TP73: variants seen among roughly 807,000 people sequenced by gnomAD.
The protein encoded by TP73 is tumor protein p73, also known as p53-like transcription factor.
A neutral mutation model predicts 62.5 loss-of-function variants in TP73; 25 were observed. The observed-to-expected ratio is 0.40, with a 90% CI of 0.29 to 0.56. TP73 has a LOEUF of 0.56. TP73 is among the 20% of genes least tolerant of loss of function. The pLI, the probability that TP73 is intolerant of heterozygous loss-of-function variation, is 0.46. For missense variants in TP73, 754 were observed against 913.3 expected (o/e 0.83, Z 2.25); for synonymous variants, 423 against 377.5 (o/e 1.12, Z -1.40).
At chr1:3,654,956 G>A (rs929770845) in intron 1 of TP73, among the ~76,000 whole-genome samples, 1 of 152,210 alleles carries the variant, frequency 6.6e-6, no homozygotes, top group South Asian at 2.1e-4. Context: ...GAGAGGAGCC[G>A]CACACCCACT....
In TP73 at chr1:3,696,660, G is replaced by A. The variant is rs1163678752; in HGVS notation, c.187-10889G>A. ...ACCCAGAGGCTGCTGAGTTCCCACG[G>A]TTTGGAGAGGGCAGGGCCCAACTGG... On this transcript the variant is annotated intron_variant, in intron 3 of 13. Transcript: ENST00000378295. The surrounding 1 kb of genome is among the most constrained non-coding windows in gnomAD (Gnocchi z 4.1). 2.0e-5 allele frequency among the ~76,000 whole-genome samples: 3 copies of A among 152,100 alleles called. No homozygotes were observed. The highest frequency in any genetic ancestry group is 4.4e-5 in the Non-Finnish European group (3 of 68,016).
intron 4 of TP73, among the ~76,000 whole-genome samples, chr1:3,721,775 C>T (rs1641091143): frequency 6.6e-6 from 1 of 152,180 alleles, no homozygotes; most frequent in South Asian, 2.1e-4. Context: ...CACTCACACC[C>T]CTGCTGTCAT....
intron 3 of TP73, among the ~76,000 whole-genome samples, chr1:3,698,913 G>A (rs1055997970): frequency 5.3e-5 from 8 of 152,222 alleles, no homozygotes; most frequent in African/African-American, 1.9e-4. Context: ...GGGCCTCGCA[G>A]TCCTGCAGAC....
Position 3,732,928 on chromosome 1 carries a change from A to G in TP73, c.1760A>G (p.His587Arg). ...LQRQRVMEAV[H>R]FRVRHTITIP... ...CGCCAGCGGGTCATGGAGGCCGTGC[A>G]CTTCCGCGTGCGCCACACCATCACC... Residue 587 changes from histidine (H) to arginine (R), a missense_variant, in exon 14 of 14, where the codon CAC becomes CGC. By Grantham distance (29) the His-to-Arg change is conservative. Transcript: ENST00000378295. 6.2e-7 allele frequency: 1 copy of G among 1,610,310 alleles called. No homozygotes were observed. The highest frequency in any genetic ancestry group is 8.5e-7 in the Non-Finnish European group (1 of 1,179,432).
chr1:3,727,510 C>CT, intron 7 of TP73, 118 bp from the exon 8 acceptor site: 4 of 1,412,798 alleles, frequency 2.8e-6, no homozygotes, highest in Non-Finnish European at 3.8e-6. Flanking sequence ...ACTGGGTGCT[C>CT]TGTGGTGACC....
Position 3,719,226 on chromosome 1 carries a change from A to G in TP73, c.430-2795A>G, listed in dbSNP as rs1640865991. ...TGTTGAGTACCACCTGTGTACCTCC[A>G]TCTGCTACACGTTACTGAGGAGAGA... On this transcript the variant is annotated intron_variant, in intron 4 of 13. Coordinates refer to ENST00000378295, the MANE Select transcript of TP73 (RefSeq NM_005427.4). Among the ~76,000 whole-genome samples, 2 of 152,158 alleles carry G rather than the reference A, an allele frequency of 1.3e-5. 1 individual carries two copies. The highest frequency in any genetic ancestry group is 2.9e-5 in the Non-Finnish European group (2 of 68,010).
At chr1:3,674,922 C>T (rs940926937) in intron 1 of TP73, among the ~76,000 whole-genome samples, 2 of 152,194 alleles carry the variant, frequency 1.3e-5, no homozygotes, top group African/African-American at 4.8e-5. Flanking sequence ...CAGGCGGGGG[C>T]TCTTCTGGGT....
chr1:3,731,051 C>A lies in TP73; in HGVS notation c.1470C>A (p.Asp490Glu), dbSNP rs764474137. The stretch of plus-strand genomic sequence containing the variant: ...CTCCGCCACCCCCCTACCACGCCGA[C>A]CCCAGCCTCGTCAGGTGCGTGGGCT... The part of the protein sequence containing the change: ...HCTPPPPYHA[D>E]PSLVSFLTGL... The change falls in exon 12 of 14, where the codon GAC becomes GAA. Residue 490 changes from aspartate to glutamate, a missense_variant. Coordinates refer to ENST00000378295, the MANE Select transcript of TP73 (RefSeq NM_005427.4). 15 of 1,611,554 alleles carry A rather than the reference C, an allele frequency of 9.3e-6. No individual in the cohort carries two copies. The African/African-American group carries it at 2.0e-4, about 22-fold the overall frequency.
chr1:3,722,765 T>A (rs1320083024), intron 5 of TP73, among the ~76,000 whole-genome samples: 1 of 138,422 alleles, frequency 7.2e-6, no homozygotes. Context: ...GGCACCTTTC[T>A]TCACCTGGCA....
intron 3 of TP73, among the ~76,000 whole-genome samples, chr1:3,689,519 G>A (rs1284916000): frequency 2.0e-5 from 3 of 151,818 alleles, no homozygotes; most frequent in East Asian, 3.9e-4. Context: ...GGGGCAGGGC[G>A]GGTCCCCAGG....
intron 1 of TP73, among the ~76,000 whole-genome samples, chr1:3,676,971 G>A (rs756252272): frequency 1.8e-4 from 27 of 151,506 alleles, no homozygotes; most frequent in Non-Finnish European, 3.5e-4. Context: ...GTCCCCACAT[G>A]GGAATATCCT....
In TP73 at chr1:3,732,821, C is replaced by T. The variant is rs1467798451; in HGVS notation, c.1653C>T (p.Gly551=). 4 of 1,609,718 alleles carry T rather than the reference C, an allele frequency of 2.5e-6. No homozygotes were observed. The highest frequency in any genetic ancestry group is 2.5e-6 in the Non-Finnish European group (3 of 1,177,782). Residue 551 remains glycine (G), a synonymous_variant, in exon 14 of 14, where the codon GGC becomes GGT. Transcript: ENST00000378295. ...GGGGCCTGCAGGACCTGAAGCAGGG[C>T]CACGACTACAGCACCGCGCAGCAGC... ...IWRGLQDLKQ[G]HDYSTAQQLL...
rs1188894990 is a variant in TP73 at position 3,733,194 on chromosome 1, GA to G, written c.*118del. The G allele has an allele frequency of 1.0e-5, 13 of 1,255,486 alleles. No individual in the cohort carries two copies. Among genetic ancestry groups the G allele is most frequent in the South Asian group, 1.5e-5 (1 of 65,636 alleles). The allele number at this position is 1,255,486 out of a possible 1,614,324, so 77.8% of individuals were successfully genotyped here. A position where few individuals can be genotyped will look rare whatever the true frequency, so the allele number is the denominator to read the frequency against. On this transcript the variant is annotated 3_prime_UTR_variant, in exon 14 of 14. Coordinates refer to ENST00000378295, the MANE Select transcript of TP73 (RefSeq NM_005427.4). The stretch of plus-strand genomic sequence containing the variant: ...GCAGGACCTTCGGGCTGTGCCCGGG[GA>G]AAGGCAAGGTCCGGCCCATCCCCAG...
chr1:3,692,581 C>T (rs1645876035), intron 3 of TP73, among the ~76,000 whole-genome samples: 1 of 152,124 alleles, frequency 6.6e-6, no homozygotes, highest in Non-Finnish European at 1.5e-5. Flanking sequence ...CTGCCTTGTA[C>T]CCCCAGACTC....
At chr1:3,685,319 G>T (rs1445124087) in intron 3 of TP73, among the ~76,000 whole-genome samples, 1 of 152,186 alleles carries the variant, frequency 6.6e-6, no homozygotes, top group African/African-American at 2.4e-5. Context: ...CCGCCTGCTG[G>T]AACGTGCCAC....
At chr1:3,685,776 A>G (rs3753206) in intron 3 of TP73, among the ~76,000 whole-genome samples, 100,685 of 152,150 alleles carry the variant, frequency 0.66, 35,365 homozygotes, top group African/African-American at 0.91. Context: ...AGTTCAGCCC[A>G]GGAGCTCAGG....
At chr1:3,711,351 T>G (rs1290492883) in intron 4 of TP73, among the ~76,000 whole-genome samples, 2 of 152,216 alleles carry the variant, frequency 1.3e-5, no homozygotes, top group Non-Finnish European at 2.9e-5. Flanking sequence ...TGACCTGGCC[T>G]CTGAGCCCTG....
rs563514394 is a variant in TP73, at chr1:3,701,760, C to T, written c.187-5789C>T. Among the ~76,000 whole-genome samples, 9 of 152,336 alleles carry T rather than the reference C, an allele frequency of 5.9e-5. No homozygotes were observed. Among genetic ancestry groups the T allele is most frequent in the African/African-American group, 1.9e-4 (8 of 41,572 alleles). ...CGGACCTCAGGTGATCCGCCTGCCT[C>T]GTCCTCCCAAATTGCTGGGATGACA... On this transcript the variant is annotated intron_variant, in intron 3 of 13. Coordinates refer to ENST00000378295, the MANE Select transcript of TP73 (RefSeq NM_005427.4). The surrounding 1 kb of genome is among the most constrained non-coding windows in gnomAD (Gnocchi z 4.7).
At chr1:3,661,830 G>A (rs189002998) in intron 1 of TP73, among the ~76,000 whole-genome samples, 57 of 136,192 alleles carry the variant, frequency 4.2e-4, no homozygotes, top group African/African-American at 1.4e-3. Flanking sequence ...ATATATACAC[G>A]CTATATATAT....
Sources: gnomAD v4.1 joint callset for allele counts (sites outside exome capture counted in the v4.1 genomes callset) on GRCh38, gnomAD v4.1.1 for gene constraint, Gnocchi (gnomAD v3.1) non-coding constraint, MANE v1.5 for transcripts, NCBI Gene and HGNC (gene_info 2026-07-23, HGNC 2026-07-21) for gene names.